The following SLC38A1 variants were observed in gnomAD, a reference collection of about 807,000 sequenced individuals.
The protein encoded by SLC38A1 is sodium-coupled neutral amino acid symporter 1.
Under a neutral mutation model 60.3 loss-of-function variants are expected in SLC38A1, and 18 were observed. The observed-to-expected ratio is 0.30, with a 90% CI of 0.21 to 0.44. The LOEUF is 0.44. SLC38A1 is among the 20% of genes least tolerant of loss of function. The pLI is 1.00. For synonymous variants in SLC38A1, 196 were observed against 212.1 expected (o/e 0.92, Z 0.66); for missense variants, 448 against 587.2 (o/e 0.76, Z 2.45).
intron 3 of SLC38A1, among the ~76,000 whole-genome samples, chr12:46,236,592 A>G (rs1941267885): frequency 6.6e-6 from 1 of 152,182 alleles, no homozygotes; most frequent in Non-Finnish European, 1.5e-5. Flanking sequence ...CTCAGTCAAC[A>G]CATAATTTGT....
intron 10 of SLC38A1, 34 bp from the exon 11 acceptor site, chr12:46,204,451 A>G: frequency 6.3e-7 from 1 of 1,591,814 alleles, no homozygotes; most frequent in African/African-American, 1.3e-5. Context: ...AGCAATATGG[A>G]CTTTAGTAAA....
chr12:46,250,252 A>G (rs1381123274), intron 1 of SLC38A1, among the ~76,000 whole-genome samples: 2 of 152,222 alleles, frequency 1.3e-5, no homozygotes, highest in Non-Finnish European at 2.9e-5. Context: ...GATTATCTCA[A>G]TAGATGCAGA....
rs1298300225 is a variant in SLC38A1, at chr12:46,183,138, C to A, written c.*5832G>T. 4 of 152,012 alleles carry A rather than the reference C, an allele frequency of 2.6e-5. No homozygotes were observed. The highest frequency in any genetic ancestry group is 4.4e-5 in the Non-Finnish European group (3 of 67,922). The allele number at this position is 152,012 out of a possible 1,614,324, so 9.4% of individuals were successfully genotyped here. A position where few individuals can be genotyped will look rare whatever the true frequency, so the allele number is the denominator to read the frequency against. ...TTATAGAACAGAACTTCTTATATTT[C>A]TTTATTTACACCACACTCTGAAAAA... On this transcript the variant is annotated 3_prime_UTR_variant, in exon 17 of 17. Coordinates refer to ENST00000398637, the MANE Select transcript of SLC38A1 (RefSeq NM_030674.4).
At chr12:46,241,798 T>G (rs574702243) in intron 2 of SLC38A1, among the ~76,000 whole-genome samples, 1 of 152,320 alleles carries the variant, frequency 6.6e-6, no homozygotes, top group East Asian at 1.9e-4. Context: ...CTAAAAGTCT[T>G]GCCACACTGA....
intron 1 of SLC38A1, among the ~76,000 whole-genome samples, chr12:46,246,412 G>A (rs1246006289): frequency 6.6e-6 from 1 of 152,240 alleles, no homozygotes; most frequent in African/African-American, 2.4e-5. Context: ...TGCTAGTGCA[G>A]CAGTCTGAGA....
In SLC38A1 at chr12:46,222,445, T is replaced by C. The variant is rs140208913; in HGVS notation, c.314+6708A>G. 2.8e-3 allele frequency among the ~76,000 whole-genome samples: 432 copies of C among 152,244 alleles called. 1 individual carries two copies. Among genetic ancestry groups the C allele is most frequent in the South Asian group, 0.024 (118 of 4,824 alleles). ...CTTCCATGCTCACTTCCACCCAATA[T>C]TCAGTTTGTATTCATGTAATAGTAC... is the stretch of plus-strand genomic sequence containing the variant. On this transcript the variant is annotated intron_variant, in intron 5 of 16. Coordinates refer to ENST00000398637, the MANE Select transcript of SLC38A1 (RefSeq NM_030674.4).
At chr12:46,224,613 T>C (rs1464630828) in intron 5 of SLC38A1, among the ~76,000 whole-genome samples, 1 of 152,178 alleles carries the variant, frequency 6.6e-6, no homozygotes, top group Non-Finnish European at 1.5e-5. Flanking sequence ...GAGTCTGGAA[T>C]GGAGCCCTGT....
intron 1 of SLC38A1, among the ~76,000 whole-genome samples, chr12:46,262,202 T>C (rs1173375502): frequency 6.6e-6 from 1 of 152,218 alleles, no homozygotes; most frequent in Non-Finnish European, 1.5e-5. Context: ...CAAGTTCCCA[T>C]ATGATCTTTT....
intron 16 of SLC38A1, among the ~76,000 whole-genome samples, chr12:46,190,170 G>A (rs1270631529): frequency 6.6e-6 from 1 of 152,086 alleles, no homozygotes; most frequent in South Asian, 2.1e-4. Context: ...TCCCACCTAT[G>A]AGTGAAAACA....
At chr12:46,224,047 T>C (rs1193579944) in intron 5 of SLC38A1, among the ~76,000 whole-genome samples, 1 of 152,186 alleles carries the variant, frequency 6.6e-6, no homozygotes, top group African/African-American at 2.4e-5. Context: ...CAATATTGAT[T>C]TCTAATTCCT....
intron 14 of SLC38A1, among the ~76,000 whole-genome samples, 197 bp from the exon 15 acceptor site, chr12:46,198,257 A>C (rs1396246423): frequency 6.8e-6 from 1 of 147,570 alleles, no homozygotes; most frequent in Non-Finnish European, 1.5e-5. Flanking sequence ...ATTTATGAGT[A>C]GTAGAGTTTT....
Position 46,187,797 on chromosome 12 carries a change from T to C in SLC38A1, c.*1173A>G, listed in dbSNP as rs1938989249. The C allele has an allele frequency of 1.3e-5, 2 of 151,256 alleles. No homozygotes were observed. The highest frequency in any genetic ancestry group is 4.2e-4 in the South Asian group (2 of 4,804). The allele number at this position is 151,256 out of a possible 1,614,324, so 9.4% of individuals were successfully genotyped here. A position where few individuals can be genotyped will look rare whatever the true frequency, so the allele number is the denominator to read the frequency against. ...ATCTCTGAGGGTTTTTTTTTTTTTTTTTTCACAAGACTAGATGGAGAATTA... is the reference window on the plus strand; with the variant it reads ...ATCTCTGAGGGTTTTTTTTTTTTTTCTTTCACAAGACTAGATGGAGAATTA... On this transcript the variant is annotated 3_prime_UTR_variant, in exon 17 of 17. Coordinates refer to ENST00000398637, the MANE Select transcript of SLC38A1 (RefSeq NM_030674.4).
At chr12:46,267,270 A>C (rs1447052983) in intron 1 of SLC38A1, 1 of 152,104 alleles carries the variant, frequency 6.6e-6, no homozygotes, top group Admixed American at 6.5e-5. Flanking sequence ...TACACACATC[A>C]CCGCGGATTC....
chr12:46,246,400 G>A (rs1342590612), intron 1 of SLC38A1, among the ~76,000 whole-genome samples: 7 of 152,230 alleles, frequency 4.6e-5, no homozygotes, highest in African/African-American at 7.2e-5. Flanking sequence ...AACCTTGCTC[G>A]CTGCTAGTGC....
chr12:46,202,691 T>C (rs1475603180), intron 12 of SLC38A1, among the ~76,000 whole-genome samples: 1 of 152,204 alleles, frequency 6.6e-6, no homozygotes, highest in African/African-American at 2.4e-5. Flanking sequence ...TACGCATACG[T>C]AATGGAAAGC....
chr12:46,213,052 G>C (rs894404683), intron 5 of SLC38A1, among the ~76,000 whole-genome samples: 1 of 152,192 alleles, frequency 6.6e-6, no homozygotes. Flanking sequence ...GTGATGAAGT[G>C]TTTGGGCTGT....
chr12:46,256,166 A>C (rs1309067038), intron 1 of SLC38A1, among the ~76,000 whole-genome samples: 1 of 94,986 alleles, frequency 1.1e-5, no homozygotes, highest in Non-Finnish European at 2.0e-5. Context: ...GTTCTATCTC[A>C]AAAAAAAAAA....
intron 3 of SLC38A1, among the ~76,000 whole-genome samples, chr12:46,231,846 G>C (rs1941088171): frequency 6.6e-6 from 1 of 152,182 alleles, no homozygotes; most frequent in Non-Finnish European, 1.5e-5. Flanking sequence ...TGCTATGCCA[G>C]CCAGGCTGGT....
intron 5 of SLC38A1, among the ~76,000 whole-genome samples, chr12:46,210,408 A>G (rs947486498): frequency 6.6e-6 from 1 of 152,212 alleles, no homozygotes; most frequent in Admixed American, 6.5e-5. Context: ...GAAAGAACAG[A>G]CCTAACACTT....
Sources: gnomAD v4.1 joint callset for allele counts (sites outside exome capture counted in the v4.1 genomes callset) on GRCh38, gnomAD v4.1.1 for gene constraint, MANE v1.5 for transcripts, NCBI Gene and HGNC (gene_info 2026-07-23, HGNC 2026-07-21) for gene names.